SHISA9: variants seen among roughly 807,000 people sequenced by gnomAD.
SHISA9 encodes the protein protein shisa-9.
SHISA9 carries 13 observed loss-of-function variants against 38.0 expected under a neutral mutation model. The observed-to-expected ratio is 0.34, with a 90% CI of 0.22 to 0.54. The LOEUF is 0.54. Among genes scored for constraint, SHISA9 ranks in the 20% least tolerant of loss-of-function variants. The probability of loss-of-function intolerance (pLI) is 0.91; values close to 1 mark genes in which losing one functional copy is unlikely to be tolerated. For missense variants in SHISA9, 538 were observed against 575.8 expected (o/e 0.93, Z 0.67); for synonymous variants, 275 against 242.0 (o/e 1.14, Z -1.27).
intron 2 of SHISA9, among the ~76,000 whole-genome samples, chr16:13,145,978 G>A (rs1419180134): frequency 5.3e-5 from 8 of 152,202 alleles, no homozygotes; most frequent in East Asian, 1.9e-4. Context: ...GCTTGAGGTC[G>A]AGAGTTTGAG....
intron 2 of SHISA9, among the ~76,000 whole-genome samples, chr16:13,150,797 G>T (rs1171071075): frequency 6.6e-6 from 1 of 152,214 alleles, no homozygotes; most frequent in Non-Finnish European, 1.5e-5. Flanking sequence ...ACTTAGTTGG[G>T]ATTCAACCAT....
chr16:13,545,268 A>G, the SHISA9 span, among the ~76,000 whole-genome samples: 1 of 152,238 alleles, frequency 6.6e-6, no homozygotes, highest in South Asian at 2.1e-4. Context: ...AATCCACAGC[A>G]CTGCCAGTTT....
the SHISA9 span, among the ~76,000 whole-genome samples, chr16:13,415,976 G>A: frequency 3.9e-5 from 6 of 152,164 alleles, no homozygotes; most frequent in Non-Finnish European, 7.4e-5. Flanking sequence ...TTGGGAAGTA[G>A]TGACTAGAAC....
the SHISA9 span, among the ~76,000 whole-genome samples, chr16:13,328,155 G>C: frequency 6.6e-6 from 1 of 152,066 alleles, no homozygotes; most frequent in Non-Finnish European, 1.5e-5. Flanking sequence ...CCTCGAGCAG[G>C]GGCCTCTCAC....
intron 2 of SHISA9, among the ~76,000 whole-genome samples, chr16:13,173,087 A>G (rs964229102): frequency 6.6e-6 from 1 of 151,938 alleles, no homozygotes; most frequent in African/African-American, 2.4e-5. Flanking sequence ...TTGAAAATAC[A>G]TTTTCTTCTC....
At chr16:13,561,260 G>A in the SHISA9 span, among the ~76,000 whole-genome samples, 3 of 152,146 alleles carry the variant, frequency 2.0e-5, no homozygotes, top group Non-Finnish European at 4.4e-5. Flanking sequence ...TATTAGAAGC[G>A]TTTGGCTTTT....
At chr16:13,560,685 G>T in the SHISA9 span, among the ~76,000 whole-genome samples, 14 of 149,746 alleles carry the variant, frequency 9.3e-5, no homozygotes, top group Non-Finnish European at 2.1e-4. Flanking sequence ...TAGCTCACAG[G>T]TAATTCATAA....
chr16:13,130,632 T>TA (rs901867937), intron 2 of SHISA9, among the ~76,000 whole-genome samples: 6 of 152,254 alleles, frequency 3.9e-5, no homozygotes, highest in African/African-American at 1.4e-4. Flanking sequence ...TTCATAGGTT[T>TA]AAAAAAATCT....
chr16:13,464,993 CATT>C, the SHISA9 span, among the ~76,000 whole-genome samples: 1 of 152,148 alleles, frequency 6.6e-6, no homozygotes, highest in African/African-American at 2.4e-5. Flanking sequence ...ATAATGGAGA[CATT>C]ATCCTAAAAC....
chr16:13,550,362 C>T, the SHISA9 span, among the ~76,000 whole-genome samples: 8 of 152,200 alleles, frequency 5.3e-5, no homozygotes, highest in African/African-American at 1.7e-4. Flanking sequence ...AAGTGCCTCG[C>T]CACCTCAAAC....
chr16:13,299,489 G>A, the SHISA9 span, among the ~76,000 whole-genome samples: 9 of 152,048 alleles, frequency 5.9e-5, no homozygotes, highest in East Asian at 1.9e-4. Flanking sequence ...TGAGGTGGGC[G>A]GATCACCTGA....
At chr16:13,204,043 A>C (rs2051035074) in intron 3 of SHISA9, among the ~76,000 whole-genome samples, 2 of 152,104 alleles carry the variant, frequency 1.3e-5, no homozygotes, top group African/African-American at 4.8e-5. Flanking sequence ...TCTATCATCC[A>C]TCCATCCATC....
At chr16:13,290,313 G>T in the SHISA9 span, among the ~76,000 whole-genome samples, 1 of 152,106 alleles carries the variant, frequency 6.6e-6, no homozygotes, top group Non-Finnish European at 1.5e-5. Flanking sequence ...GAATGAAGAT[G>T]CAAACAGAGT....
chr16:13,452,806 G>A, the SHISA9 span, among the ~76,000 whole-genome samples: 3 of 151,416 alleles, frequency 2.0e-5, no homozygotes, highest in Non-Finnish European at 2.9e-5. Flanking sequence ...AGCTGTCTGG[G>A]GCCTCTGATC....
chr16:13,044,330 A>T (rs2073163940), intron 2 of SHISA9, among the ~76,000 whole-genome samples: 1 of 152,230 alleles, frequency 6.6e-6, no homozygotes. Flanking sequence ...ATTTAGAAAG[A>T]CATCAGTTTG....
At chr16:13,093,204 G>A (rs2141950044) in intron 2 of SHISA9, among the ~76,000 whole-genome samples, 1 of 152,206 alleles carries the variant, frequency 6.6e-6, no homozygotes. Flanking sequence ...TCTTGGCCCA[G>A]GGCTTTACTT....
intron 2 of SHISA9, among the ~76,000 whole-genome samples, chr16:12,956,978 T>C (rs2071844475): frequency 6.6e-6 from 1 of 152,228 alleles, no homozygotes; most frequent in Admixed American, 6.5e-5. Flanking sequence ...AAATATTTAA[T>C]GTTTAGATAA....
intron 2 of SHISA9, among the ~76,000 whole-genome samples, chr16:13,194,907 G>T (rs1011130244): frequency 6.6e-6 from 1 of 152,178 alleles, no homozygotes; most frequent in African/African-American, 2.4e-5. Context: ...ATTATTCTTG[G>T]AGTGGGAGGT....
the SHISA9 span, among the ~76,000 whole-genome samples, chr16:13,414,781 G>A: frequency 1.3e-4 from 20 of 151,354 alleles, no homozygotes; most frequent in Admixed American, 1.2e-3. Flanking sequence ...ACAGGTTTGC[G>A]CCACCACGTC....
Sources: allele counts gnomAD v4.1 joint callset (sites outside exome capture counted in the v4.1 genomes callset), GRCh38; gene constraint gnomAD v4.1.1; transcripts MANE v1.5; gene names NCBI Gene and HGNC (gene_info 2026-07-23, HGNC 2026-07-21).